Variants in TSGA10 observed in about 807,000 individuals in gnomAD.
TSGA10 encodes testis-specific gene 10 protein.
A neutral mutation model predicts 96.6 loss-of-function variants in TSGA10; 43 were observed. That is an observed-to-expected ratio of 0.44 (90% CI 0.35 to 0.57). TSGA10 has a LOEUF of 0.57. Ranked by LOEUF, TSGA10 falls within the 20% of genes least tolerant of loss-of-function variation. The pLI is 0.01. For synonymous variants in TSGA10, 229 were observed against 269.9 expected, an observed-to-expected ratio of 0.85 and a Z score of 1.48; for missense variants, 703 against 834.4, an observed-to-expected ratio of 0.84 and a Z score of 1.94.
At chr2:98,999,052 C>T (rs1427075659) in intron 20 of TSGA10, among the ~76,000 whole-genome samples, 4 of 152,054 alleles carry the variant, frequency 2.6e-5, no homozygotes, top group East Asian at 1.9e-4. Flanking sequence ...TGCGCCACCA[C>T]GCCCAGCTAA....
At chr2:99,041,248 C>T (rs929197712) in intron 16 of TSGA10, among the ~76,000 whole-genome samples, 1 of 152,210 alleles carries the variant, frequency 6.6e-6, no homozygotes, top group Non-Finnish European at 1.5e-5. Flanking sequence ...GTGCTCTCAC[C>T]ATTGTTCCAT....
At chr2:99,019,063 T>G (rs2079783466) in intron 18 of TSGA10, among the ~76,000 whole-genome samples, 1 of 152,160 alleles carries the variant, frequency 6.6e-6, no homozygotes, top group Admixed American at 6.5e-5. Context: ...TTCAACCAAG[T>G]GCCTTATAAT....
intron 16 of TSGA10, among the ~76,000 whole-genome samples, chr2:99,049,655 A>G (rs2083178548): frequency 6.6e-6 from 1 of 152,018 alleles, no homozygotes; most frequent in Admixed American, 6.6e-5. Flanking sequence ...AGTGCAGCAA[A>G]CCACCATGAC....
chr2:99,013,306 G>C (rs1476224330), intron 20 of TSGA10, among the ~76,000 whole-genome samples: 1 of 151,752 alleles, frequency 6.6e-6, no homozygotes, highest in African/African-American at 2.4e-5. Flanking sequence ...AAGATCAGAT[G>C]ATGATGATGA....
intron 13 of TSGA10, 79 bp from the exon 14 acceptor site, chr2:99,071,953 G>A (rs1165573181): frequency 9.4e-6 from 12 of 1,270,646 alleles, no homozygotes; most frequent in African/African-American, 3.0e-5. Context: ...GACAGAAGAT[G>A]GACAGTTAGT....
intron 10 of TSGA10, among the ~76,000 whole-genome samples, chr2:99,085,634 A>AAAAAAAAAAAAAAT (rs2088213947): frequency 2.7e-5 from 4 of 147,798 alleles, no homozygotes; most frequent in Admixed American, 1.3e-4. Context: ...AAAAAAAAAA[A>AAAAAAAAAAAAAAT]GTTGTTTTTT....
At chr2:99,111,616 C>T (rs554957535) in intron 4 of TSGA10, among the ~76,000 whole-genome samples, 10 of 152,208 alleles carry the variant, frequency 6.6e-5, no homozygotes, top group South Asian at 2.1e-4. Context: ...TTTAGACCAA[C>T]GTTCTCTTCT....
chr2:99,072,880 C>T, intron 13 of TSGA10, 138 bp downstream of exon 13: 1 of 559,452 alleles, frequency 1.8e-6, no homozygotes. Flanking sequence ...GTTCCTTAGA[C>T]AGACTTAGGC....
intron 20 of TSGA10, among the ~76,000 whole-genome samples, chr2:99,004,506 A>T (rs1412117840): frequency 4.6e-5 from 7 of 152,142 alleles, no homozygotes; most frequent in African/African-American, 1.7e-4. Context: ...AGAGAATACT[A>T]CAAACACCTC....
At chr2:99,042,106 T>A (rs1223572480) in intron 16 of TSGA10, among the ~76,000 whole-genome samples, 1 of 150,574 alleles carries the variant, frequency 6.6e-6, no homozygotes, top group Non-Finnish European at 1.5e-5. Context: ...GCAGTGGTAC[T>A]GTCTCGGCTC....
chr2:99,114,060 A>T (rs1054228026), intron 4 of TSGA10, among the ~76,000 whole-genome samples: 1 of 152,232 alleles, frequency 6.6e-6, no homozygotes, highest in African/African-American at 2.4e-5. Context: ...ACCTTTAAAA[A>T]TAAGACTAAA....
intron 1 of TSGA10, among the ~76,000 whole-genome samples, chr2:99,149,473 C>T (rs1169714660): frequency 4.1e-5 from 6 of 145,212 alleles, no homozygotes; most frequent in Non-Finnish European, 9.0e-5. Context: ...GACGGAGTCT[C>T]GCTCTGTCGC....
rs547184926 is a variant in TSGA10, at chr2:99,124,269, T to C, written c.-492+2779A>G. On this transcript the variant is annotated intron_variant, in intron 2 of 20. Coordinates refer to ENST00000393483, the MANE Select transcript of TSGA10 (RefSeq NM_025244.4). ...TTTATTGACATTTGTATATCTTCTT[T>C]GGAGAAATGTCTGTTCAAGTCCTTT... Among the ~76,000 whole-genome samples the C allele has an allele frequency of 2.0e-5, 3 of 152,370 alleles. No homozygotes were observed. In the South Asian group the frequency reaches 6.2e-4, roughly 32 times the overall value.
intron 16 of TSGA10, among the ~76,000 whole-genome samples, chr2:99,044,991 A>C (rs1056732701): frequency 5.3e-5 from 8 of 152,330 alleles, no homozygotes; most frequent in African/African-American, 1.7e-4. Flanking sequence ...ACAAGAACAA[A>C]GACAGAACGT....
intron 11 of TSGA10, among the ~76,000 whole-genome samples, chr2:99,079,988 C>T (rs980536093): frequency 6.6e-6 from 1 of 152,156 alleles, no homozygotes; most frequent in African/African-American, 2.4e-5. Flanking sequence ...TGAGTTCATT[C>T]CCACTGGCAA....
At chr2:99,060,318 A>AGAC (rs901391811) in intron 16 of TSGA10, among the ~76,000 whole-genome samples, 1 of 152,192 alleles carries the variant, frequency 6.6e-6, no homozygotes, top group African/African-American at 2.4e-5. Flanking sequence ...GGCATTGTAA[A>AGAC]GACTGAGATA....
Position 99,102,359 on chromosome 2 carries a change from C to T in TSGA10, c.611+1608G>A. The T allele has an allele frequency of 1.9e-6, 3 of 1,612,690 alleles. No homozygotes were observed. In the Admixed American group the frequency reaches 5.0e-5, roughly 27 times the overall value. On this transcript the variant is annotated intron_variant, in intron 10 of 20. Transcript: ENST00000393483. Reference sequence around the variant, plus strand: ...GGGGTTCTAGCTCACAAAGCAGTGTCCCATCAGTTGAGCAGTTTACTGGAG... The same window carrying T: ...GGGGTTCTAGCTCACAAAGCAGTGTTCCATCAGTTGAGCAGTTTACTGGAG...
intron 14 of TSGA10, among the ~76,000 whole-genome samples, 169 bp downstream of exon 14, chr2:99,071,537 G>A (rs963622071): frequency 6.6e-6 from 1 of 151,740 alleles, no homozygotes; most frequent in Non-Finnish European, 1.5e-5. Context: ...AACCCTTTGT[G>A]TCTGAGAATT....
Position 99,018,658 on chromosome 2 carries a change from A to T in TSGA10, c.1818-18T>A. On this transcript the variant is annotated intron_variant, in intron 18 of 20. Coordinates refer to ENST00000393483, the MANE Select transcript of TSGA10 (RefSeq NM_025244.4). ...GGATGGCCCTGTTTAAAAGAAGATA[A>T]GAGTTATAGTTGACTAAACTTAAAA... 6.3e-7 allele frequency: 1 copy of T among 1,597,556 alleles called. No homozygotes were observed.
Sources: allele counts gnomAD v4.1 joint callset (sites outside exome capture counted in the v4.1 genomes callset), GRCh38; gene constraint gnomAD v4.1.1; transcripts MANE v1.5; gene names NCBI Gene and HGNC (gene_info 2026-07-23, HGNC 2026-07-21).